FAM193A: variants seen among roughly 807,000 people sequenced by gnomAD.
FAM193A encodes family with sequence similarity 193 member A.
In FAM193A, 22 loss-of-function variants were observed where a neutral mutation model predicts 126.5. That is an observed-to-expected ratio of 0.17 (90% CI 0.12 to 0.25). The LOEUF (loss-of-function observed/expected upper bound fraction) is 0.25. FAM193A is among the 10% of genes least tolerant of loss of function. The pLI is 1.00. For missense variants in FAM193A, 1,675 were observed against 1,672.8 expected (o/e 1.00, Z -0.02); for synonymous variants, 761 against 646.8 (o/e 1.18, Z -2.68).
At chr4:2,705,317 G>T (rs1204431308) in intron 19 of FAM193A, among the ~76,000 whole-genome samples, 1 of 152,172 alleles carries the variant, frequency 6.6e-6, no homozygotes, top group African/African-American at 2.4e-5. Context: ...ATGCTTTTCA[G>T]TCAGGTGGAA....
chr4:2,656,037 T>C (rs1472594025), intron 7 of FAM193A, among the ~76,000 whole-genome samples: 2 of 152,204 alleles, frequency 1.3e-5, no homozygotes, highest in African/African-American at 4.8e-5. Context: ...TCCTCCTGCT[T>C]TGGCCTACCA....
chr4:2,635,675 G>T (rs1188282025), intron 5 of FAM193A, among the ~76,000 whole-genome samples: 1 of 152,166 alleles, frequency 6.6e-6, no homozygotes, highest in African/African-American at 2.4e-5. Context: ...TGGGATTACA[G>T]GTGCCTGCCA....
At position 2,596,275 on chromosome 4, in the gene FAM193A, C is replaced by T. The variant is rs1368471895; in HGVS notation, c.447C>T (p.Asp149=). ...VLHLPLWVCP[D]CRRTVEKEER... ...ACCTGCCACTGTGGGTGTGCCCGGA[C>T]TGCCGCAGGACCGTGGAGAAGGAGG... Residue 149 remains aspartate, a synonymous_variant, in exon 2 of 21, where the codon GAC becomes GAT. Coordinates refer to ENST00000637812, the MANE Select transcript of FAM193A (RefSeq NM_001366318.2). 4.3e-6 allele frequency: 3 copies of T among 702,956 alleles called. No individual in the cohort carries two copies. The highest frequency in any genetic ancestry group is 5.2e-6 in the Non-Finnish European group (2 of 385,024). The allele number at this position is 702,956 out of a possible 1,614,324, so 43.5% of individuals were successfully genotyped here. A position where few individuals can be genotyped will look rare whatever the true frequency, so the allele number is the denominator to read the frequency against.
chr4:2,708,267 AG>A (rs1237173998), intron 19 of FAM193A: 2 of 377,008 alleles, frequency 5.3e-6, no homozygotes, highest in Non-Finnish European at 1.1e-5. Context: ...TTGGAATTAC[AG>A]GCAAGCAAAA....
At chr4:2,660,726 G>C (rs528521225) in intron 10 of FAM193A, among the ~76,000 whole-genome samples, 1 of 152,322 alleles carries the variant, frequency 6.6e-6, no homozygotes, top group South Asian at 2.1e-4. Flanking sequence ...TCCTGACCTT[G>C]GCTATGCAGC....
chr4:2,562,348 A>G (rs898299019), intron 1 of FAM193A, among the ~76,000 whole-genome samples: 2 of 152,148 alleles, frequency 1.3e-5, no homozygotes, highest in African/African-American at 4.8e-5. Context: ...GCTACCCAGG[A>G]GACTGAGGCA....
intron 1 of FAM193A, among the ~76,000 whole-genome samples, chr4:2,564,970 AAAG>A (rs1738846215): frequency 6.6e-6 from 1 of 151,946 alleles, no homozygotes; most frequent in Non-Finnish European, 1.5e-5. Flanking sequence ...GGTTAATTAA[AAAG>A]AAATTGCAGA....
At chr4:2,726,603 A>G (rs1378715403) in intron 20 of FAM193A, among the ~76,000 whole-genome samples, 1 of 151,066 alleles carries the variant, frequency 6.6e-6, no homozygotes. Context: ...GCTGCTTCCT[A>G]CTGTTTGTAA....
intron 1 of FAM193A, among the ~76,000 whole-genome samples, chr4:2,566,090 C>A (rs907034072): frequency 6.6e-6 from 1 of 151,200 alleles, no homozygotes; most frequent in Non-Finnish European, 1.5e-5. Flanking sequence ...CTCTGTCGCC[C>A]AGACTGGAGT....
At chr4:2,616,428 T>C (rs1319560645) in intron 2 of FAM193A, among the ~76,000 whole-genome samples, 2 of 152,218 alleles carry the variant, frequency 1.3e-5, no homozygotes, top group East Asian at 3.8e-4. Flanking sequence ...TGACCTTCTC[T>C]GCTAATAATT....
At chr4:2,591,885 GA>G (rs1465956794) in intron 1 of FAM193A, among the ~76,000 whole-genome samples, 1 of 152,164 alleles carries the variant, frequency 6.6e-6, no homozygotes, top group Admixed American at 6.5e-5. Flanking sequence ...ATAGATGGTA[GA>G]ACTCAGCTGT....
rs1206078605 is a variant in FAM193A, at chr4:2,672,216, T to C, written c.2175T>C (p.Pro725=). The C allele has an allele frequency of 6.2e-7, 1 of 1,614,256 alleles. No individual in the cohort carries two copies. The highest frequency in any genetic ancestry group is 1.7e-5 in the Admixed American group (1 of 60,032). The part of the protein sequence containing the change: ...PSAMTAGALP[P]GHQFLSPEKP... The stretch of plus-strand genomic sequence containing the variant: ...CAATGACAGCCGGAGCCCTTCCTCC[T>C]GGCCATCAGTTCTTGAGCCCAGAGA... Residue 725 remains proline (P), a synonymous_variant, in exon 13 of 21, where the codon CCT becomes CCC. Coordinates refer to ENST00000637812, the MANE Select transcript of FAM193A (RefSeq NM_001366318.2).
chr4:2,634,375 A>C (rs1341395132), intron 5 of FAM193A, among the ~76,000 whole-genome samples: 2 of 152,250 alleles, frequency 1.3e-5, no homozygotes, highest in African/African-American at 4.8e-5. Flanking sequence ...CTGACCTCAG[A>C]GAATTCGAAT....
At chr4:2,600,322 C>A (rs1175479843) in intron 2 of FAM193A, among the ~76,000 whole-genome samples, 4 of 152,226 alleles carry the variant, frequency 2.6e-5, no homozygotes, top group Admixed American at 6.5e-5. Context: ...TGTGGCTCTT[C>A]CGTGGCTCTC....
Position 2,609,927 on chromosome 4 carries a change from T to TA in FAM193A, c.501+13611dup, listed in dbSNP as rs796205895. The stretch of plus-strand genomic sequence containing the variant: ...CTAATGACAGAGCGAGACTCCGTCT[T>TA]AAAAAAAAAAAAAGAGTTTGCTGGC... On this transcript the variant is annotated intron_variant, in intron 2 of 20. Coordinates refer to ENST00000637812, the MANE Select transcript of FAM193A (RefSeq NM_001366318.2). Among the ~76,000 whole-genome samples, 981 of 118,588 alleles carry TA rather than the reference T, an allele frequency of 8.3e-3. 3 individuals are homozygous for TA. The highest frequency in any genetic ancestry group is 0.02 in the East Asian group (84 of 4,178). The allele number at this position is 118,588 out of a possible 152,430, so 77.8% of individuals were successfully genotyped here. A position where few individuals can be genotyped will look rare whatever the true frequency, so the allele number is the denominator to read the frequency against.
chr4:2,639,205 T>A (rs574703213), intron 5 of FAM193A, among the ~76,000 whole-genome samples: 1 of 152,314 alleles, frequency 6.6e-6, no homozygotes, highest in African/African-American at 2.4e-5. Flanking sequence ...TTATCTAAAG[T>A]AATTGACAAG....
chr4:2,664,806 G>C (rs186783123), intron 12 of FAM193A, among the ~76,000 whole-genome samples: 2 of 151,902 alleles, frequency 1.3e-5, no homozygotes, highest in African/African-American at 4.8e-5. Context: ...CTTGTGATCC[G>C]CCCGTGTTGG....
intron 1 of FAM193A, among the ~76,000 whole-genome samples, chr4:2,585,246 A>C (rs1255297998): frequency 6.6e-6 from 1 of 152,220 alleles, no homozygotes; most frequent in Non-Finnish European, 1.5e-5. Context: ...AGATATCCAG[A>C]AAAGGAATTA....
chr4:2,627,288 G>A (rs936707768), intron 4 of FAM193A, among the ~76,000 whole-genome samples: 5 of 151,400 alleles, frequency 3.3e-5, no homozygotes, highest in Non-Finnish European at 5.9e-5. Flanking sequence ...AGCCTCCAGA[G>A]TAGCTGGGAT....
Sources: allele counts gnomAD v4.1 joint callset (sites outside exome capture counted in the v4.1 genomes callset), GRCh38; gene constraint gnomAD v4.1.1; transcripts MANE v1.5; gene names NCBI Gene and HGNC (gene_info 2026-07-23, HGNC 2026-07-21).